The following PEBP1 variants were observed in gnomAD, a reference collection of about 807,000 sequenced individuals.
PEBP1 encodes the protein phosphatidylethanolamine binding protein 1.
PEBP1 carries 17 observed loss-of-function variants against 22.7 expected under a neutral mutation model. The observed-to-expected ratio is 0.75, with a 90% confidence interval of 0.51 to 1.12. The LOEUF is 1.12. Among genes scored for constraint, PEBP1 ranks in the 50% most tolerant of loss-of-function variants. The probability of loss-of-function intolerance (pLI) is 0.00; values close to 1 mark genes in which losing one functional copy is unlikely to be tolerated. For missense variants in PEBP1, 205 were observed against 243.5 expected (o/e 0.84, Z 1.05); for synonymous variants, 106 against 104.3 (o/e 1.02, Z -0.10).
intron 2 of PEBP1, 102 bp downstream of exon 2, chr12:118,138,250 C>T: frequency 2.6e-6 from 2 of 780,172 alleles, no homozygotes; most frequent in Non-Finnish European, 4.3e-6. Context: ...TTGGGATGCC[C>T]CCACCCATGC....
intron 3 of PEBP1, among the ~76,000 whole-genome samples, chr12:118,142,850 T>C (rs1175139814): frequency 5.1e-5 from 6 of 117,104 alleles, no homozygotes; most frequent in Non-Finnish European, 1.1e-4. Context: ...TTTTTTTTTT[T>C]TTTTTTTGAG....
intron 3 of PEBP1, among the ~76,000 whole-genome samples, chr12:118,144,145 A>G (rs2034136376): frequency 6.6e-6 from 1 of 151,920 alleles, no homozygotes; most frequent in Admixed American, 6.6e-5. Context: ...TTTGTCCTTA[A>G]TTGGTTGCTC....
At chr12:118,137,895 C>T (rs2034080042) in intron 1 of PEBP1, 144 bp from the exon 2 acceptor site, 2 of 611,768 alleles carry the variant, frequency 3.3e-6, no homozygotes, top group Admixed American at 2.6e-5. Context: ...CCGTGTTGGC[C>T]AGGCTGGTCT....
intron 3 of PEBP1, among the ~76,000 whole-genome samples, chr12:118,141,347 C>T (rs2034112524): frequency 6.6e-6 from 1 of 152,262 alleles, no homozygotes; most frequent in Admixed American, 6.5e-5. Flanking sequence ...GAACTTCTGA[C>T]CTTGTGATCC....
chr12:118,144,866 T>C lies in PEBP1; in HGVS notation c.*63T>C. 1 of 1,609,426 alleles carries C rather than the reference T, an allele frequency of 6.2e-7. No individual in the cohort carries two copies. Among genetic ancestry groups the C allele is most frequent in the Non-Finnish European group, 8.5e-7 (1 of 1,179,774 alleles). On this transcript the variant is annotated 3_prime_UTR_variant, in exon 4 of 4. Transcript: ENST00000261313. ...CAAGCCATGTTCCCCAGTTCAGTGT[T>C]GCATGTATAATAGATTTCTCCTCTT...
intron 2 of PEBP1, chr12:118,139,140 C>T: frequency 3.1e-6 from 1 of 319,402 alleles, no homozygotes; most frequent in Non-Finnish European, 6.1e-6. Flanking sequence ...TGGTGAAACC[C>T]CGTCTCTACT....
At position 118,144,857 on chromosome 12, in the gene PEBP1, G is replaced by C. The variant is rs1440311344; in HGVS notation, c.*54G>C. The C allele has an allele frequency of 1.2e-6, 2 of 1,610,736 alleles. No homozygotes were observed. Among genetic ancestry groups the C allele is most frequent in the East Asian group, 4.5e-5 (2 of 44,874 alleles). ...TGGAGGCCCCAAGCCATGTTCCCCA[G>C]TTCAGTGTTGCATGTATAATAGATT... is the stretch of plus-strand genomic sequence containing the variant. On this transcript the variant is annotated 3_prime_UTR_variant, in exon 4 of 4. Coordinates refer to ENST00000261313, the MANE Select transcript of PEBP1 (RefSeq NM_002567.4).
Position 118,145,540 on chromosome 12 carries a change from T to A in PEBP1, c.*737T>A, listed in dbSNP as rs746926984. 1 of 155,282 alleles carries A rather than the reference T, an allele frequency of 6.4e-6. No individual in the cohort carries two copies. Among genetic ancestry groups the A allele is most frequent in the Non-Finnish European group, 1.4e-5 (1 of 70,138 alleles). The allele number at this position is 155,282 out of a possible 1,614,324, so 9.6% of individuals were successfully genotyped here. On this transcript the variant is annotated 3_prime_UTR_variant, in exon 4 of 4. Transcript: ENST00000261313. ...TGGAGTTGCTGAATGTTGCATTAAT[T>A]GTGCTGTTTGCTTGTAGTTGAATAA...
At chr12:118,142,745 G>A (rs1355490081) in intron 3 of PEBP1, among the ~76,000 whole-genome samples, 1 of 151,228 alleles carries the variant, frequency 6.6e-6, no homozygotes, top group Non-Finnish European at 1.5e-5. Context: ...TCAAAGTGCT[G>A]GGATTACAGG....
chr12:118,144,270 A>AG (rs1410997477), intron 3 of PEBP1, among the ~76,000 whole-genome samples: 1 of 151,860 alleles, frequency 6.6e-6, no homozygotes, highest in African/African-American at 2.4e-5. Flanking sequence ...TTGGGAGGCG[A>AG]GGATAAGGGG....
In PEBP1 at chr12:118,144,596, C is replaced by T. The variant is rs768468744; in HGVS notation, c.357C>T (p.Arg119=). ...TGCCTCTCCCCACAGGCCTCCACCG[C>T]TATGTCTGGCTGGTTTACGAGCAGG... is the stretch of plus-strand genomic sequence containing the variant. ...SGPPKGTGLH[R]YVWLVYEQDR... The change falls in exon 4 of 4, where the codon CGC becomes CGT. Residue 119 remains arginine (R), a synonymous_variant. Coordinates refer to ENST00000261313, the MANE Select transcript of PEBP1 (RefSeq NM_002567.4). 6.2e-7 allele frequency: 1 copy of T among 1,613,086 alleles called. No homozygotes were observed.
chr12:118,139,977 C>A (rs1255854732), intron 3 of PEBP1, among the ~76,000 whole-genome samples: 1 of 152,096 alleles, frequency 6.6e-6, no homozygotes. Flanking sequence ...AGGTTGCTTT[C>A]TGTATTTGTT....
In PEBP1 at chr12:118,139,579, G is replaced by A. The variant is rs774005102; in HGVS notation, c.346+28G>A. ...TAGTAAAGGTTGTTTTTGGTGGGAG[G>A]TTGGGGAGGGAGCTCGGGGGCACAT... On this transcript the variant is annotated intron_variant, in intron 3 of 3. Coordinates refer to ENST00000261313, the MANE Select transcript of PEBP1 (RefSeq NM_002567.4). 8 of 1,442,806 alleles carry A rather than the reference G, an allele frequency of 5.5e-6. No individual in the cohort carries two copies. The Admixed American group carries it at 6.9e-5, about 12-fold the overall frequency. 89.4% of individuals were successfully genotyped at this position (1,442,806 alleles called of 1,614,324 possible). A position where few individuals can be genotyped will look rare whatever the true frequency, so the allele number is the denominator to read the frequency against.
At chr12:118,143,915 A>C (rs2034133937) in intron 3 of PEBP1, among the ~76,000 whole-genome samples, 1 of 151,822 alleles carries the variant, frequency 6.6e-6, no homozygotes, top group African/African-American at 2.4e-5. Context: ...CAAAAAAAAA[A>C]AAAAAACCCA....
Position 118,145,147 on chromosome 12 carries a change from A to G in PEBP1, c.*344A>G, listed in dbSNP as rs1373327455. 5.5e-5 allele frequency: 23 copies of G among 420,134 alleles called. No individual in the cohort carries two copies. Among genetic ancestry groups the G allele is most frequent in the Non-Finnish European group, 7.8e-5 (19 of 243,804 alleles). 26.0% of individuals were successfully genotyped at this position (420,134 alleles called of 1,614,324 possible). A position where few individuals can be genotyped will look rare whatever the true frequency, so the allele number is the denominator to read the frequency against. On this transcript the variant is annotated 3_prime_UTR_variant, in exon 4 of 4. Coordinates refer to ENST00000261313, the MANE Select transcript of PEBP1 (RefSeq NM_002567.4). ...GTCTACAGTGATAGAGCAAAGCATC[A>G]AAGAATCTTTAAGGGAGGTTTAAAA...
chr12:118,137,561 A>G (rs1353723979), intron 1 of PEBP1, among the ~76,000 whole-genome samples: 1 of 152,116 alleles, frequency 6.6e-6, no homozygotes, highest in Non-Finnish European at 1.5e-5. Context: ...TCTCAAATAA[A>G]ATACATAACG....
chr12:118,139,910 C>A (rs899865074), intron 3 of PEBP1, among the ~76,000 whole-genome samples: 1 of 152,138 alleles, frequency 6.6e-6, no homozygotes, highest in Non-Finnish European at 1.5e-5. Flanking sequence ...CCGGGGTGAT[C>A]TTTGAGTTTC....
In PEBP1 at chr12:118,141,370, C is replaced by T. The variant is rs374851663; in HGVS notation, c.346+1819C>T. On this transcript the variant is annotated intron_variant, in intron 3 of 3. Transcript: ENST00000261313. ...GACCTTGTGATCCGCCCGCCTTGGC[C>T]TCCCAAAGTGCTGGGATTACAGGCG... 2.0e-5 allele frequency among the ~76,000 whole-genome samples: 3 copies of T among 152,210 alleles called. No individual in the cohort carries two copies. The South Asian group carries it at 6.2e-4, about 31-fold the overall frequency.
Position 118,136,727 on chromosome 12 carries a change from C to T in PEBP1, c.135+383C>T, listed in dbSNP as rs946611239. Among the ~76,000 whole-genome samples, 5 of 152,216 alleles carry T rather than the reference C, an allele frequency of 3.3e-5. 1 individual carries two copies. The highest frequency in any genetic ancestry group is 1.3e-4 in the Admixed American group (2 of 15,286). The stretch of plus-strand genomic sequence containing the variant: ...CTGCCCGGACGCCCCCAGAGCTTCC[C>T]CTAGGGCCTCAGCATTTTAGGCCTG... On this transcript the variant is annotated intron_variant, in intron 1 of 3. Transcript: ENST00000261313. This position sits in a 1 kb window ranked among gnomAD's most constrained non-coding sequence, Gnocchi z 5.6.
Sources: allele counts gnomAD v4.1 joint callset (sites outside exome capture counted in the v4.1 genomes callset), GRCh38; gene constraint gnomAD v4.1.1; non-coding constraint Gnocchi (gnomAD v3.1); transcripts MANE v1.5; gene names NCBI Gene and HGNC (gene_info 2026-07-23, HGNC 2026-07-21).